ST6GALNAC3: variants seen among roughly 807,000 people sequenced by gnomAD.
The protein encoded by ST6GALNAC3 is alpha-N-acetylgalactosaminide alpha-2,6-sialyltransferase 3.
In ST6GALNAC3, 25 loss-of-function variants were observed where a neutral mutation model predicts 32.7. The ratio of observed to expected loss-of-function variants is 0.76; its 90% CI spans 0.56 to 1.07. The LOEUF is 1.07. ST6GALNAC3 is among the 50% of genes least tolerant of loss of function. ST6GALNAC3 has a pLI of 0.00. For missense variants in ST6GALNAC3, 355 were observed against 382.4 expected (o/e 0.93, Z 0.60); for synonymous variants, 129 against 133.1 (o/e 0.97, Z 0.21).
At chr1:76,306,425 A>T (rs1661056667) in intron 1 of ST6GALNAC3, among the ~76,000 whole-genome samples, 1 of 152,120 alleles carries the variant, frequency 6.6e-6, no homozygotes, top group East Asian at 1.9e-4. Flanking sequence ...GTAGTTAAAA[A>T]AAAGTTTAAA....
intron 1 of ST6GALNAC3, among the ~76,000 whole-genome samples, chr1:76,283,596 C>G (rs979202831): frequency 6.6e-6 from 1 of 152,168 alleles, no homozygotes; most frequent in African/African-American, 2.4e-5. Flanking sequence ...CATGTCTTGC[C>G]TCTTTTGATC....
At chr1:76,623,244 G>A (rs1296358228) in intron 3 of ST6GALNAC3, among the ~76,000 whole-genome samples, 1 of 151,970 alleles carries the variant, frequency 6.6e-6, no homozygotes, top group Admixed American at 6.6e-5. Flanking sequence ...AGATATGCCA[G>A]TAAATTTAAG....
At chr1:76,097,755 A>T (rs942597509) in intron 1 of ST6GALNAC3, among the ~76,000 whole-genome samples, 1 of 152,068 alleles carries the variant, frequency 6.6e-6, no homozygotes, top group Non-Finnish European at 1.5e-5. Flanking sequence ...ATTGATGCAT[A>T]TTTGAGATAT....
chr1:76,617,635 A>G (rs1286836756), intron 3 of ST6GALNAC3, among the ~76,000 whole-genome samples: 1 of 152,204 alleles, frequency 6.6e-6, no homozygotes, highest in East Asian at 1.9e-4. Flanking sequence ...ATGGATTGTT[A>G]ATAAGAGTCA....
chr1:76,239,805 A>G (rs1013726140), intron 1 of ST6GALNAC3, among the ~76,000 whole-genome samples: 2 of 152,210 alleles, frequency 1.3e-5, no homozygotes, highest in African/African-American at 4.8e-5. Context: ...TCAACTTCCA[A>G]CCACAACTTT....
At chr1:76,115,171 C>A (rs1056755328) in intron 1 of ST6GALNAC3, among the ~76,000 whole-genome samples, 1 of 152,044 alleles carries the variant, frequency 6.6e-6, no homozygotes, top group Non-Finnish European at 1.5e-5. Flanking sequence ...ACTATAGGAT[C>A]CCTTGTTAGA....
intron 1 of ST6GALNAC3, among the ~76,000 whole-genome samples, chr1:76,114,191 G>C (rs1648298616): frequency 6.6e-6 from 1 of 151,842 alleles, no homozygotes; most frequent in African/African-American, 2.4e-5. Flanking sequence ...CCTAATCCCA[G>C]GTGGTTAAAA....
intron 3 of ST6GALNAC3, among the ~76,000 whole-genome samples, chr1:76,579,747 C>G (rs1274665981): frequency 6.6e-6 from 1 of 151,976 alleles, no homozygotes; most frequent in Non-Finnish European, 1.5e-5. Flanking sequence ...GTTCTTTGGT[C>G]TCTTATTTAC....
chr1:76,574,268 T>C (rs1483716210), intron 3 of ST6GALNAC3, among the ~76,000 whole-genome samples: 1 of 150,524 alleles, frequency 6.6e-6, no homozygotes, highest in African/African-American at 2.4e-5. Flanking sequence ...ATGGATTATA[T>C]AAAATGAGAC....
intron 1 of ST6GALNAC3, among the ~76,000 whole-genome samples, chr1:76,243,076 G>A (rs1422029901): frequency 6.6e-6 from 1 of 152,290 alleles, no homozygotes; most frequent in East Asian, 1.9e-4. Context: ...CACCAACAGT[G>A]TAAAAGTGTT....
chr1:76,083,655 TA>T (rs1479131207), intron 1 of ST6GALNAC3, among the ~76,000 whole-genome samples: 1 of 152,146 alleles, frequency 6.6e-6, no homozygotes, highest in East Asian at 1.9e-4. Flanking sequence ...GCCATTATTT[TA>T]AAAAAGCAAA....
Position 76,211,791 on chromosome 1 carries a change from G to A in ST6GALNAC3, c.19-102014G>A, listed in dbSNP as rs573713313. ...CACACACCGGGGCCTGTTGTGGGGT[G>A]GGGGGAGCGGGGAGGGATAGCATTA... On this transcript the variant is annotated intron_variant, in intron 1 of 4. Coordinates refer to ENST00000328299, the MANE Select transcript of ST6GALNAC3 (RefSeq NM_152996.4). 4.6e-5 allele frequency among the ~76,000 whole-genome samples: 7 copies of A among 151,738 alleles called. No individual in the cohort carries two copies. In the East Asian group the frequency reaches 1.4e-3, roughly 29 times the overall value.
At chr1:76,111,688 G>T (rs1647955753) in intron 1 of ST6GALNAC3, among the ~76,000 whole-genome samples, 1 of 149,952 alleles carries the variant, frequency 6.7e-6, no homozygotes, top group Non-Finnish European at 1.5e-5. Flanking sequence ...AGCACATCTT[G>T]CACCACCCTT....
intron 1 of ST6GALNAC3, among the ~76,000 whole-genome samples, chr1:76,203,977 T>A (rs1219358141): frequency 6.6e-6 from 1 of 152,246 alleles, no homozygotes. Flanking sequence ...CTAGCTTTTA[T>A]TTTTTCTATC....
chr1:76,289,139 G>T (rs1459708530), intron 1 of ST6GALNAC3, among the ~76,000 whole-genome samples: 1 of 152,196 alleles, frequency 6.6e-6, no homozygotes, highest in Non-Finnish European at 1.5e-5. Flanking sequence ...ACACTTTGGT[G>T]TGTTACCTTT....
At chr1:76,239,671 C>T (rs971561110) in intron 1 of ST6GALNAC3, among the ~76,000 whole-genome samples, 2 of 152,152 alleles carry the variant, frequency 1.3e-5, no homozygotes, top group Non-Finnish European at 2.9e-5. Context: ...GATCTTCCCC[C>T]GTGACCCAGC....
intron 1 of ST6GALNAC3, among the ~76,000 whole-genome samples, chr1:76,077,878 T>C (rs1646838410): frequency 6.6e-6 from 1 of 152,196 alleles, no homozygotes; most frequent in African/African-American, 2.4e-5. Context: ...TCTGATTCCT[T>C]TTACATCACA....
chr1:76,075,435 T>C (rs1646801921), intron 1 of ST6GALNAC3, among the ~76,000 whole-genome samples: 1 of 152,220 alleles, frequency 6.6e-6, no homozygotes, highest in Non-Finnish European at 1.5e-5. Flanking sequence ...TAGCTCTACT[T>C]TGGAAAAGTT....
intron 3 of ST6GALNAC3, among the ~76,000 whole-genome samples, chr1:76,576,028 T>C (rs192186108): frequency 6.6e-6 from 1 of 152,076 alleles, no homozygotes; most frequent in East Asian, 1.9e-4. Context: ...TATATCATCA[T>C]TAGTCTGAGA....
Sources: allele counts gnomAD v4.1 joint callset (sites outside exome capture counted in the v4.1 genomes callset), GRCh38; gene constraint gnomAD v4.1.1; transcripts MANE v1.5; gene names NCBI Gene and HGNC (gene_info 2026-07-23, HGNC 2026-07-21).